PDE8B: variants seen among roughly 807,000 people sequenced by gnomAD.
PDE8B encodes high affinity cAMP-specific and IBMX-insensitive 3',5'-cyclic phosphodiesterase 8B.
PDE8B carries 26 observed loss-of-function variants against 101.3 expected under a neutral mutation model. The observed-to-expected ratio is 0.26, with a 90% confidence interval of 0.19 to 0.36. The LOEUF is 0.36. PDE8B is among the 10% of genes least tolerant of loss of function. The pLI is 1.00. For missense variants in PDE8B, 810 were observed against 1,163.1 expected (o/e 0.70, Z 4.42); for synonymous variants, 424 against 429.3 (o/e 0.99, Z 0.15).
At chr5:77,152,714 C>T in the PDE8B span, among the ~76,000 whole-genome samples, 59 of 152,172 alleles carry the variant, frequency 3.9e-4, no homozygotes, top group Non-Finnish European at 7.2e-4. Flanking sequence ...AAGCTCCAGA[C>T]GCTCACTGAT....
intron 2 of PDE8B, 117 bp downstream of exon 2, chr5:77,312,170 C>G: frequency 1.4e-6 from 1 of 715,196 alleles, no homozygotes; most frequent in Non-Finnish European, 2.4e-6. Flanking sequence ...GAGGCTCAGT[C>G]TCGGCTCACT....
At chr5:77,424,819 G>GTTTTTTTT (rs912849753) in intron 20 of PDE8B, among the ~76,000 whole-genome samples, 5 of 110,042 alleles carry the variant, frequency 4.5e-5, no homozygotes, top group Non-Finnish European at 6.2e-5. Flanking sequence ...CTGTTTTTTT[G>GTTTTTTTT]TTTTTTGTTT....
At chr5:77,299,246 G>T (rs1052085393) in intron 1 of PDE8B, among the ~76,000 whole-genome samples, 4 of 146,504 alleles carry the variant, frequency 2.7e-5, no homozygotes, top group South Asian at 2.2e-4. Context: ...TTGTTTTTTT[G>T]TTTGTTTGTT....
At chr5:77,411,565 C>T in intron 14 of PDE8B, 111 bp from the exon 15 acceptor site, 1 of 831,490 alleles carries the variant, frequency 1.2e-6, no homozygotes, top group Non-Finnish European at 2.0e-6. Context: ...CTTAGACTTC[C>T]AGATTGGTTG....
intron 10 of PDE8B, chr5:77,358,523 T>C (rs1782526165): frequency 1.4e-6 from 1 of 706,270 alleles, no homozygotes; most frequent in Admixed American, 6.3e-5. Flanking sequence ...GTATGCCCCA[T>C]AGACATCAGG....
chr5:77,113,265 A>C, the PDE8B span: 71 of 152,360 alleles, frequency 4.7e-4, no homozygotes, highest in African/African-American at 1.7e-3. Context: ...ACCTGACTAT[A>C]CTACAAGGCT....
chr5:77,189,778 G>T, the PDE8B span, among the ~76,000 whole-genome samples: 1 of 152,132 alleles, frequency 6.6e-6, no homozygotes, highest in African/African-American at 2.4e-5. Flanking sequence ...GATGGGAAGT[G>T]GGGGGTCTGA....
Position 77,211,021 on chromosome 5 carries a change from G to A in PDE8B, c.96G>A (p.Val32=). Residue 32 remains valine (V), a synonymous_variant, in exon 1 of 22, where the codon GTG becomes GTA. Coordinates refer to ENST00000264917, the MANE Select transcript of PDE8B (RefSeq NM_003719.5). The surrounding 1 kb of genome is among the most constrained non-coding windows in gnomAD (Gnocchi z 4.1). ...GCTCGCCCCGCCAGACCACCAGCGT[G>A]TCGCAGGGCCCGGCGGCACCCCTGC... ...ESSSPRQTTS[V]SQGPAAPLPG... is the part of the protein sequence containing the mutation. 1.9e-6 allele frequency: 3 copies of A among 1,548,128 alleles called. No homozygotes were observed. Among genetic ancestry groups the A allele is most frequent in the Non-Finnish European group, 2.6e-6 (3 of 1,157,380 alleles).
At chr5:77,187,659 G>GA in the PDE8B span, among the ~76,000 whole-genome samples, 15 of 152,284 alleles carry the variant, frequency 9.9e-5, no homozygotes, top group South Asian at 2.9e-3. Flanking sequence ...CTAGAATCCA[G>GA]AGCTTCTATC....
chr5:77,377,535 A>G (rs2150745970), intron 10 of PDE8B, among the ~76,000 whole-genome samples: 1 of 152,326 alleles, frequency 6.6e-6, no homozygotes, highest in African/African-American at 2.4e-5. Flanking sequence ...TAGATCCTAA[A>G]AAGTAGATGT....
At chr5:77,255,849 G>A (rs998784126) in intron 1 of PDE8B, among the ~76,000 whole-genome samples, 2 of 152,204 alleles carry the variant, frequency 1.3e-5, no homozygotes, top group African/African-American at 4.8e-5. Context: ...TGGCACAGAG[G>A]TTTCGATTCC....
chr5:77,256,487 T>G (rs564088002), intron 1 of PDE8B, among the ~76,000 whole-genome samples: 69 of 152,380 alleles, frequency 4.5e-4, no homozygotes, highest in African/African-American at 1.6e-3. Context: ...TTGCCATTAT[T>G]CAGTCACGCA....
intron 1 of PDE8B, among the ~76,000 whole-genome samples, chr5:77,247,948 G>A (rs1757306817): frequency 6.6e-6 from 1 of 152,186 alleles, no homozygotes; most frequent in Non-Finnish European, 1.5e-5. Flanking sequence ...AGGAAGGTCT[G>A]AGGTTACAAG....
At chr5:77,196,322 G>C in the PDE8B span, among the ~76,000 whole-genome samples, 1 of 152,030 alleles carries the variant, frequency 6.6e-6, no homozygotes, top group Non-Finnish European at 1.5e-5. Context: ...TGTGCTTTTG[G>C]TATCATATTT....
chr5:77,181,683 C>T, the PDE8B span, among the ~76,000 whole-genome samples: 1 of 152,176 alleles, frequency 6.6e-6, no homozygotes, highest in East Asian at 1.9e-4. Flanking sequence ...GTTATTTGCC[C>T]AGGCTGCCTT....
chr5:77,240,575 A>G (rs923698963), intron 1 of PDE8B, among the ~76,000 whole-genome samples: 1 of 152,240 alleles, frequency 6.6e-6, no homozygotes, highest in Non-Finnish European at 1.5e-5. Context: ...CCTTGTCACC[A>G]GTCAGATAAT....
chr5:77,426,341 T>G (rs1581665749), intron 21 of PDE8B, 104 bp from the exon 22 acceptor site: 7 of 751,382 alleles, frequency 9.3e-6, no homozygotes, highest in South Asian at 4.4e-5. Context: ...AGGGTGTGCC[T>G]CCTCTAATTC....
At chr5:77,105,488 G>T in the PDE8B span, 1 of 152,124 alleles carries the variant, frequency 6.6e-6, no homozygotes, top group South Asian at 2.1e-4. Flanking sequence ...TGTCTGGTAG[G>T]TTAGGTATAG....
rs576526254 is a variant in PDE8B, at chr5:77,310,439, G to A, written c.340-1555G>A. 6.1e-4 allele frequency among the ~76,000 whole-genome samples: 93 copies of A among 152,372 alleles called. 1 individual carries two copies. Among genetic ancestry groups the A allele is most frequent in the African/African-American group, 2.0e-3 (85 of 41,588 alleles). On this transcript the variant is annotated intron_variant, in intron 1 of 21. Transcript: ENST00000264917. Reference sequence around the variant, plus strand: ...TTGGGGCTGTGCCCCTAGGCTACTGGTGTCAGCACCCACACCTTGCAGGAT... The same window carrying A: ...TTGGGGCTGTGCCCCTAGGCTACTGATGTCAGCACCCACACCTTGCAGGAT...
Sources: gnomAD v4.1 joint callset for allele counts (sites outside exome capture counted in the v4.1 genomes callset) on GRCh38, gnomAD v4.1.1 for gene constraint, Gnocchi (gnomAD v3.1) non-coding constraint, MANE v1.5 for transcripts, NCBI Gene and HGNC (gene_info 2026-07-23, HGNC 2026-07-21) for gene names.